The following CYTIP variants were observed in gnomAD, a reference collection of about 807,000 sequenced individuals.
The protein encoded by CYTIP is cytohesin 1 interacting protein.
Under a neutral mutation model 43.8 loss-of-function variants are expected in CYTIP, and 26 were observed. The ratio of observed to expected loss-of-function variants is 0.59; its 90% CI spans 0.44 to 0.82. CYTIP has a LOEUF of 0.82. CYTIP is among the 40% of genes least tolerant of loss of function. CYTIP has a pLI of 0.00. For synonymous variants in CYTIP, 162 were observed against 162.9 expected (o/e 0.99, Z 0.04); for missense variants, 426 against 443.1 (o/e 0.96, Z 0.35).
chr2:157,429,627 C>T (rs571360348), intron 5 of CYTIP, among the ~76,000 whole-genome samples: 97 of 152,140 alleles, frequency 6.4e-4, no homozygotes, highest in African/African-American at 2.2e-3. Context: ...AATGAATGAG[C>T]GAATTTCATC....
At chr2:157,434,065 C>T (rs1685755042) in intron 3 of CYTIP, 3 of 409,758 alleles carry the variant, frequency 7.3e-6, no homozygotes, top group Non-Finnish European at 1.3e-5. Context: ...AAATGTATTT[C>T]ACTCTCTTAT....
intron 7 of CYTIP, among the ~76,000 whole-genome samples, chr2:157,417,570 A>G (rs1685456562): frequency 6.6e-6 from 1 of 152,310 alleles, no homozygotes; most frequent in African/African-American, 2.4e-5. Context: ...AAGTTTTTGT[A>G]TTAAATATTT....
chr2:157,430,580 C>G lies in CYTIP; in HGVS notation c.455G>C (p.Arg152Thr). ...TTACGTTAGCAGGTTTCCGGACGAT[C>G]TGATCAGGTCAACGACTTGTTTGTA... Reference protein sequence around the residue: ...FTYKQVVDLIRSSGNLLTIET... With the variant: ...FTYKQVVDLITSSGNLLTIET... Residue 152 changes from arginine (R) to threonine (T), a missense_variant, in exon 5 of 8, where the codon AGA (arginine) becomes ACA (threonine). By Grantham distance (71) the Arg-to-Thr change is moderately conservative. Transcript: ENST00000264192. The G allele has an allele frequency of 1.2e-6, 2 of 1,614,212 alleles. No homozygotes were observed. Among genetic ancestry groups the G allele is most frequent in the South Asian group, 2.2e-5 (2 of 91,084 alleles).
chr2:157,421,639 G>A (rs924279360), intron 6 of CYTIP, among the ~76,000 whole-genome samples: 2 of 152,206 alleles, frequency 1.3e-5, no homozygotes, highest in East Asian at 3.8e-4. Flanking sequence ...TAGGTCAGAA[G>A]AAAGGGAATC....
chr2:157,426,551 A>C (rs1558938666), intron 6 of CYTIP, among the ~76,000 whole-genome samples: 1 of 152,234 alleles, frequency 6.6e-6, no homozygotes, highest in Non-Finnish European at 1.5e-5. Context: ...AAACTAACAA[A>C]TGGCAGCTAT....
At chr2:157,430,677 T>G in intron 4 of CYTIP, 25 bp from the exon 5 acceptor site, 1 of 1,600,838 alleles carries the variant, frequency 6.2e-7, no homozygotes, top group Non-Finnish European at 8.6e-7. Context: ...GAAAAATGAG[T>G]GTTATGTTGG....
At chr2:157,431,940 T>C (rs1558940123) in intron 3 of CYTIP, among the ~76,000 whole-genome samples, 1 of 152,214 alleles carries the variant, frequency 6.6e-6, no homozygotes. Flanking sequence ...AAAGGACTTC[T>C]ATCTAATCTA....
At chr2:157,420,900 A>C (rs1685512326) in intron 6 of CYTIP, among the ~76,000 whole-genome samples, 1 of 152,192 alleles carries the variant, frequency 6.6e-6, no homozygotes, top group South Asian at 2.1e-4. Context: ...AAAGAAGAGG[A>C]AGTTATATTT....
rs1451812782 is a variant in CYTIP, at chr2:157,443,967, G to A, written c.54C>T (p.Phe18=). The change falls in exon 1 of 8, where the codon TTC becomes TTT. Residue 18 remains phenylalanine, a synonymous_variant. Coordinates refer to ENST00000264192, the MANE Select transcript of CYTIP (RefSeq NM_004288.5). ...QHSSNGNLAD[F]CAGPAYSSYS... is the part of the protein sequence containing the mutation. ...AAGAGCTATACGCTGGCCCAGCGCA[G>A]AAGTCCGCCAAATTGCCATTGCTGC... 1.2e-6 allele frequency: 2 copies of A among 1,614,016 alleles called. No individual in the cohort carries two copies. The highest frequency in any genetic ancestry group is 2.7e-5 in the African/African-American group (2 of 74,940).
At position 157,434,849 on chromosome 2, in the gene CYTIP, T is replaced by TCACACACACA. The variant is rs1214076041; in HGVS notation, c.175-112_175-103dup. The TCACACACACA allele has an allele frequency of 5.1e-4, 25 of 48,726 alleles. 1 individual carries two copies. The highest frequency in any genetic ancestry group is 3.3e-3 in the East Asian group (4 of 1,224). The allele number at this position is 48,726 out of a possible 1,614,324, so 3.0% of individuals were successfully genotyped here. A position where few individuals can be genotyped will look rare whatever the true frequency, so the allele number is the denominator to read the frequency against. ...CTCTCTCTCTCTCTCTCTCTCTCTC[T>TCACACACACA]CACACACACACACACACACACACAC... On this transcript the variant is annotated intron_variant, in intron 1 of 7. Coordinates refer to ENST00000264192, the MANE Select transcript of CYTIP (RefSeq NM_004288.5).
chr2:157,431,243 G>A (rs766521349), intron 3 of CYTIP, among the ~76,000 whole-genome samples: 3 of 152,104 alleles, frequency 2.0e-5, no homozygotes, highest in Non-Finnish European at 4.4e-5. Context: ...ATGCTATCAC[G>A]ATTTATTTTT....
intron 5 of CYTIP, among the ~76,000 whole-genome samples, chr2:157,428,934 A>C (rs1185162752): frequency 6.6e-6 from 1 of 152,234 alleles, no homozygotes; most frequent in African/African-American, 2.4e-5. Flanking sequence ...TGTAGCTGAA[A>C]AGGACAGATC....
chr2:157,434,239 G>T, intron 3 of CYTIP, 131 bp downstream of exon 3: 1 of 772,358 alleles, frequency 1.3e-6, no homozygotes, highest in South Asian at 1.5e-5. Context: ...CCCCCAAACA[G>T]CCACACACTG....
intron 6 of CYTIP, among the ~76,000 whole-genome samples, 153 bp downstream of exon 6, chr2:157,427,198 A>C (rs155614): frequency 1.3e-5 from 2 of 152,202 alleles, no homozygotes; most frequent in African/African-American, 4.8e-5. Flanking sequence ...TATTCCTCCA[A>C]AGGTAATTGT....
intron 5 of CYTIP, among the ~76,000 whole-genome samples, chr2:157,430,040 A>C (rs992952186): frequency 5.3e-5 from 8 of 151,780 alleles, no homozygotes; most frequent in Non-Finnish European, 1.2e-4. Flanking sequence ...AAAAAAAAAA[A>C]AAGAAGTTTG....
chr2:157,441,843 T>C (rs1685924322), intron 1 of CYTIP, among the ~76,000 whole-genome samples: 1 of 152,118 alleles, frequency 6.6e-6, no homozygotes, highest in Non-Finnish European at 1.5e-5. Context: ...CTGCAAAAGT[T>C]CCTCCCTCAC....
At chr2:157,421,091 G>A (rs974627959) in intron 6 of CYTIP, among the ~76,000 whole-genome samples, 9 of 152,274 alleles carry the variant, frequency 5.9e-5, no homozygotes, top group Non-Finnish European at 1.3e-4. Flanking sequence ...AAGTGACTAA[G>A]GGTTTTTCAA....
At position 157,442,786 on chromosome 2, in the gene CYTIP, C is replaced by T. The variant is rs185753322; in HGVS notation, c.174+1061G>A. Among the ~76,000 whole-genome samples, 210 of 152,264 alleles carry T rather than the reference C, an allele frequency of 1.4e-3. 2 individuals carry two copies. Among genetic ancestry groups the T allele is most frequent in the Non-Finnish European group, 1.3e-4 (9 of 68,014 alleles). On this transcript the variant is annotated intron_variant, in intron 1 of 7. Transcript: ENST00000264192. ...ATACATCACTGAAAAAAGATCATGT[C>T]TCTCCCACTATGCCATACCTCTCTA...
intron 1 of CYTIP, among the ~76,000 whole-genome samples, chr2:157,440,646 TCTGAAC>T (rs1553473198): frequency 2.0e-5 from 3 of 152,092 alleles, no homozygotes; most frequent in Non-Finnish European, 4.4e-5. Flanking sequence ...ACATTCCCTA[TCTGAAC>T]TTATAGATGA....
Sources: allele counts gnomAD v4.1 joint callset (sites outside exome capture counted in the v4.1 genomes callset), GRCh38; gene constraint gnomAD v4.1.1; transcripts MANE v1.5; gene names NCBI Gene and HGNC (gene_info 2026-07-23, HGNC 2026-07-21).